POLE: variants seen among roughly 807,000 people sequenced by gnomAD.
The protein encoded by POLE is DNA polymerase epsilon catalytic subunit A.
Under a neutral mutation model 279.2 loss-of-function variants are expected in POLE, and 188 were observed. The observed-to-expected ratio is 0.67, with a 90% CI of 0.60 to 0.76. The LOEUF (loss-of-function observed/expected upper bound fraction) is 0.76, where lower values mean the gene tolerates loss of function less well. POLE is among the 30% of genes least tolerant of loss of function. The probability of loss-of-function intolerance (pLI) is 0.00; values close to 1 mark genes in which losing one functional copy is unlikely to be tolerated. For missense variants in POLE, 2,703 were observed against 3,016.7 expected, an observed-to-expected ratio of 0.90 and a Z score of 2.44; for synonymous variants, 1,214 against 1,172.5, an observed-to-expected ratio of 1.04 and a Z score of -0.72.
chr12:132,679,245 C>A (rs1299980084), intron 6 of POLE, among the ~76,000 whole-genome samples: 1 of 152,148 alleles, frequency 6.6e-6, no homozygotes, highest in Non-Finnish European at 1.5e-5. Flanking sequence ...GGTGACTTTA[C>A]TATTACAACC....
chr12:132,635,066 G>T (rs901944452), intron 42 of POLE, among the ~76,000 whole-genome samples: 13 of 152,108 alleles, frequency 8.5e-5, no homozygotes, highest in African/African-American at 3.1e-4. Flanking sequence ...GGTACCCACA[G>T]CTTCCTCTCA....
Position 132,639,895 on chromosome 12 carries a change from C to G in POLE, c.5379-597G>C, listed in dbSNP as rs988000142. 2.0e-5 allele frequency among the ~76,000 whole-genome samples: 3 copies of G among 152,082 alleles called. No individual in the cohort carries two copies. The highest frequency in any genetic ancestry group is 2.9e-5 in the Non-Finnish European group (2 of 68,018). On this transcript the variant is annotated intron_variant, in intron 39 of 48. Coordinates refer to ENST00000320574, the MANE Select transcript of POLE (RefSeq NM_006231.4). The surrounding 1 kb of genome is among the most constrained non-coding windows in gnomAD (Gnocchi z 4.7). ...CCGGGAGGTGGAGGTTGCAGTGACC[C>G]AAGATGGTGCCACTGCATTCCAGCC...
Position 132,642,804 on chromosome 12 carries a change from C to T in POLE, c.4728+16G>A, listed in dbSNP as rs2042180295. 1 of 1,613,844 alleles carries T rather than the reference C, an allele frequency of 6.2e-7. No homozygotes were observed. ...AGAAGATGGGGCTCACACAGCAAGA[C>T]CCCAACCACTCTCACCTTGTAGGCG... On this transcript the variant is annotated intron_variant, in intron 36 of 48. Coordinates refer to ENST00000320574, the MANE Select transcript of POLE (RefSeq NM_006231.4).
Position 132,648,952 on chromosome 12 carries a change from C to T in POLE, c.4126G>A (p.Glu1376Lys). The change falls in exon 32 of 49, where the codon GAG (glutamate) becomes AAG (lysine). Residue 1376 changes from glutamate (E) to lysine (K), a missense_variant. This residue lies in a region of POLE where 1,551 missense variants were observed against 1,686.1 expected (regional missense o/e 0.92). Coordinates refer to ENST00000320574, the MANE Select transcript of POLE (RefSeq NM_006231.4). Reference sequence around the variant, plus strand: ...ACCTTGCGATACGAAGCACCCTCCTCCGCTTTAGCGACTCGCTGGTTCACG... The same window carrying T: ...ACCTTGCGATACGAAGCACCCTCCTTCGCTTTAGCGACTCGCTGGTTCACG... ...FYVNQRVAKAEEGASYRKVNR... is the reference protein window; with the variant it reads ...FYVNQRVAKAKEGASYRKVNR... 3 of 1,613,812 alleles carry T rather than the reference C, an allele frequency of 1.9e-6. No homozygotes were observed. The highest frequency in any genetic ancestry group is 2.5e-6 in the Non-Finnish European group (3 of 1,179,766).
In POLE at chr12:132,632,346, G is replaced by C. The variant is rs1060500780; in HGVS notation, c.6299C>G (p.Pro2100Arg). ...LPGSHLLLNN[P>R]ALEFIKYVCK... ...CACGTATTTGATGAACTCCAGGGCA[G>C]GGTTATTGAGCAGCAAGTGGGAACC... Residue 2100 changes from proline (P) to arginine (R), a missense_variant, in exon 45 of 49, where the codon CCT (proline) becomes CGT (arginine). Around this residue, in one of 5 missense-constraint regions of POLE, gnomAD observed 1,551 missense variants for 1,686.1 expected, o/e 0.92. Coordinates refer to ENST00000320574, the MANE Select transcript of POLE (RefSeq NM_006231.4). 1 of 1,614,188 alleles carries C rather than the reference G, an allele frequency of 6.2e-7. No individual in the cohort carries two copies.
At chr12:132,631,033 A>T (rs2041924302) in intron 45 of POLE, among the ~76,000 whole-genome samples, 2 of 152,186 alleles carry the variant, frequency 1.3e-5, no homozygotes, top group South Asian at 4.1e-4. Flanking sequence ...GTTATTAATC[A>T]CCCCAAAGTG....
Position 132,625,795 on chromosome 12 carries a change from G to A in POLE, c.6532-25C>T, listed in dbSNP as rs758067725. 4.4e-6 allele frequency: 7 copies of A among 1,604,008 alleles called. No homozygotes were observed. In the South Asian group the frequency reaches 6.6e-5, roughly 15 times the overall value. ...CCTAGGCAGAGCAAGAGTGCGAGAG[G>A]TCACCAGCCCAGCCTCCAGACCACA... On this transcript the variant is annotated intron_variant, in intron 46 of 48. Coordinates refer to ENST00000320574, the MANE Select transcript of POLE (RefSeq NM_006231.4).
At position 132,661,705 on chromosome 12, in the gene POLE, G is replaced by A. The variant is rs1268165000; in HGVS notation, c.2707-21C>T. The A allele has an allele frequency of 6.2e-7, 1 of 1,612,628 alleles. No individual in the cohort carries two copies. The highest frequency in any genetic ancestry group is 1.3e-5 in the African/African-American group (1 of 75,004). On this transcript the variant is annotated intron_variant, in intron 23 of 48. Transcript: ENST00000320574. This position sits in a 1 kb window ranked among gnomAD's most constrained non-coding sequence, Gnocchi z 4.1. Reference sequence around the variant, plus strand: ...CCTTCCTGAGAAACAAGAGTGAAGAGGGGGCAGCTTCACTCATGATGGCCC... The same window carrying A: ...CCTTCCTGAGAAACAAGAGTGAAGAAGGGGCAGCTTCACTCATGATGGCCC...
At chr12:132,651,222 G>A (rs561458517) in intron 29 of POLE, 11 of 152,300 alleles carry the variant, frequency 7.2e-5, no homozygotes, top group South Asian at 2.1e-4. Context: ...GACTGACACC[G>A]GGTGAAACAT....
chr12:132,661,206 C>A lies in POLE; in HGVS notation c.2865-42G>T, dbSNP rs1272985704. ...AGGCAAGCACAGCAGTGGCAAGGAG[C>A]GCTGGGGAGCCACCAGCTGTGCCTC... On this transcript the variant is annotated intron_variant, in intron 24 of 48. Transcript: ENST00000320574. The surrounding 1 kb of genome is among the most constrained non-coding windows in gnomAD (Gnocchi z 4.1). The A allele has an allele frequency of 4.6e-6, 7 of 1,522,458 alleles. No individual in the cohort carries two copies. Among genetic ancestry groups the A allele is most frequent in the Non-Finnish European group, 5.3e-6 (6 of 1,130,132 alleles). 94.3% of individuals were successfully genotyped at this position (1,522,458 alleles called of 1,614,324 possible). A position where few individuals can be genotyped will look rare whatever the true frequency, so the allele number is the denominator to read the frequency against.
intron 29 of POLE, chr12:132,650,248 A>C: frequency 3.9e-6 from 1 of 259,382 alleles, no homozygotes; most frequent in Non-Finnish European, 7.5e-6. Flanking sequence ...ATCCCCACAA[A>C]TTCTACTTCT....
rs139990705 is a variant in POLE, at chr12:132,632,435, A to T, written c.6210T>A (p.Ile2070=). The part of the protein sequence containing the change: ...TQSFFTITQK[I]QKKVTGSRNS... The stretch of plus-strand genomic sequence containing the variant: ...TCCGAGAGCCTGTGACTTTCTTCTG[A>T]ATCTTCTGAGTGATGGTGAAGAAGC... The change falls in exon 45 of 49, where the codon ATT becomes ATA. Residue 2070 remains isoleucine (I), a synonymous_variant. Coordinates refer to ENST00000320574, the MANE Select transcript of POLE (RefSeq NM_006231.4). 33 of 1,613,828 alleles carry T rather than the reference A, an allele frequency of 2.0e-5. No individual in the cohort carries two copies. Among genetic ancestry groups the T allele is most frequent in the Non-Finnish European group, 2.6e-5 (31 of 1,179,842 alleles).
intron 21 of POLE, 45 bp downstream of exon 21, chr12:132,665,257 C>T (rs2042766219): frequency 5.0e-6 from 8 of 1,593,666 alleles, no homozygotes; most frequent in Non-Finnish European, 6.9e-6. Context: ...AACGTGGACT[C>T]ATCCATTCCT....
Position 132,672,710 on chromosome 12 carries a change from C to G in POLE, c.1603G>C (p.Asp535His). 1 of 1,614,170 alleles carries G rather than the reference C, an allele frequency of 6.2e-7. No individual in the cohort carries two copies. Among genetic ancestry groups the G allele is most frequent in the Non-Finnish European group, 8.5e-7 (1 of 1,180,040 alleles). ...NKLTDDGHVL[D>H]SETYVGGHVE... is the part of the protein sequence containing the mutation. ...TGGCCCCCGACGTAGGTCTCAGAGT[C>G]CAGCACGTGTCCGTCGTCCGTCAGC... The change falls in exon 15 of 49, where the codon GAC becomes CAC. Residue 535 changes from aspartate to histidine, a missense_variant. Coordinates refer to ENST00000320574, the MANE Select transcript of POLE (RefSeq NM_006231.4).
rs140571613 is a variant in POLE at position 132,671,054 on chromosome 12, G to A, written c.1794+1161C>T. On this transcript the variant is annotated intron_variant, in intron 16 of 48. Coordinates refer to ENST00000320574, the MANE Select transcript of POLE (RefSeq NM_006231.4). ...GAGGTGGGCAGATCACTTACAGTCA[G>A]GAGTTCGAAAGCAGCCTGGCCAACG... Among the ~76,000 whole-genome samples, 1,321 of 150,602 alleles carry A rather than the reference G, an allele frequency of 8.8e-3. 14 individuals carry two copies. The highest frequency in any genetic ancestry group is 0.014 in the Non-Finnish European group (921 of 67,614).
intron 29 of POLE, among the ~76,000 whole-genome samples, chr12:132,651,560 G>C (rs1364020664): frequency 1.3e-5 from 2 of 152,206 alleles, no homozygotes; most frequent in Admixed American, 6.5e-5. Flanking sequence ...CCCTGTGCAG[G>C]CAGCTCCCAA....
At chr12:132,626,538 C>A (rs1356337974) in intron 45 of POLE, among the ~76,000 whole-genome samples, 1 of 152,138 alleles carries the variant, frequency 6.6e-6, no homozygotes, top group Admixed American at 6.6e-5. Context: ...GGAAGAAATG[C>A]TGCTGATTCT....
Position 132,643,896 on chromosome 12 carries a change from T to G in POLE, c.4231A>C (p.Ile1411Leu), listed in dbSNP as rs1233033042. ...GACAGCTCAGCGTTGATCTCGTTGA[T>G]GTGTTCCTGGTACATGTCCTCTGGC... ...SVPEDMYQEHINEINAELSAP... is the reference protein window; with the variant it reads ...SVPEDMYQEHLNEINAELSAP... Residue 1411 changes from isoleucine (I) to leucine (L), a missense_variant, in exon 33 of 49, where the codon ATC (isoleucine) becomes CTC (leucine). By Grantham distance (5) the Ile-to-Leu change is conservative. Transcript: ENST00000320574. The G allele has an allele frequency of 6.2e-7, 1 of 1,614,170 alleles. No homozygotes were observed. The highest frequency in any genetic ancestry group is 8.5e-7 in the Non-Finnish European group (1 of 1,180,002).
At chr12:132,680,353 C>T (rs1477680388) in intron 3 of POLE, 131 bp from the exon 4 acceptor site, 2 of 824,214 alleles carry the variant, frequency 2.4e-6, no homozygotes, top group East Asian at 2.4e-5. Flanking sequence ...TGGTAGCATA[C>T]AGGAAGTCAG....
Sources: gnomAD v4.1 joint callset for allele counts (sites outside exome capture counted in the v4.1 genomes callset) on GRCh38, gnomAD v4.1.1 for gene constraint, gnomAD v4.1.1 regional missense constraint, Gnocchi (gnomAD v3.1) non-coding constraint, MANE v1.5 for transcripts, NCBI Gene and HGNC (gene_info 2026-07-23, HGNC 2026-07-21) for gene names.